The following GABRG1 variants were observed in gnomAD, a reference collection of about 807,000 sequenced individuals.
The protein encoded by GABRG1 is gamma-aminobutyric acid type A receptor subunit gamma1, also known as gamma-aminobutyric acid receptor subunit gamma-1.
In GABRG1, 49 loss-of-function variants were observed where a neutral mutation model predicts 49.8. The observed-to-expected ratio is 0.98, with a 90% CI of 0.78 to 1.25. GABRG1 has a LOEUF of 1.25. GABRG1 is among the 50% of genes most tolerant of loss of function. The probability of loss-of-function intolerance (pLI) is 0.00; values close to 1 mark genes in which losing one functional copy is unlikely to be tolerated. For missense variants in GABRG1, 552 were observed against 552.3 expected, an observed-to-expected ratio of 1.00 and a Z score of 0.01; for synonymous variants, 232 against 185.1, an observed-to-expected ratio of 1.25 and a Z score of -2.06.
chr4:46,091,942 T>G (rs1278898448), intron 2 of GABRG1, among the ~76,000 whole-genome samples: 1 of 152,040 alleles, frequency 6.6e-6, no homozygotes, highest in Non-Finnish European at 1.5e-5. Flanking sequence ...AAAATACATT[T>G]TATCTTCAAA....
intron 1 of GABRG1, among the ~76,000 whole-genome samples, chr4:46,107,492 C>T (rs545846425): frequency 5.3e-5 from 8 of 150,638 alleles, no homozygotes; most frequent in Admixed American, 2.7e-4. Context: ...GTTTCCTTTC[C>T]TTCTCTTCTT....
intron 1 of GABRG1, among the ~76,000 whole-genome samples, chr4:46,121,238 A>G (rs1374323397): frequency 6.6e-6 from 1 of 151,922 alleles, no homozygotes; most frequent in African/African-American, 2.4e-5. Flanking sequence ...CATATAAAAC[A>G]CTAAAATGCT....
intron 5 of GABRG1, among the ~76,000 whole-genome samples, chr4:46,060,997 G>C: frequency 6.6e-6 from 1 of 152,012 alleles, no homozygotes; most frequent in East Asian, 1.9e-4. Flanking sequence ...CATGTAGAGT[G>C]CCTGAAAAAA....
chr4:46,113,514 G>A (rs1381605105), intron 1 of GABRG1, among the ~76,000 whole-genome samples: 1 of 150,896 alleles, frequency 6.6e-6, no homozygotes, highest in East Asian at 2.0e-4. Context: ...TGGCGGGGGG[G>A]ACATGAAGCC....
rs1430138296 is a variant in GABRG1, at chr4:46,064,534, G to C, written c.543-11C>G. 1 of 1,301,960 alleles carries C rather than the reference G, an allele frequency of 7.7e-7. No individual in the cohort carries two copies. The allele number at this position is 1,301,960 out of a possible 1,614,324, so 80.7% of individuals were successfully genotyped here. On this transcript the variant is annotated splice_polypyrimidine_tract_variant and intron_variant, in intron 4 of 8. Transcript: ENST00000295452. Reference sequence around the variant, plus strand: ...GCATTAATTGTCAATCTATTTAGATGGAAAGAAAAGTATTAAATAAAGATA... The same window carrying C: ...GCATTAATTGTCAATCTATTTAGATCGAAAGAAAAGTATTAAATAAAGATA...
intron 2 of GABRG1, among the ~76,000 whole-genome samples, chr4:46,088,504 A>G (rs996488747): frequency 6.6e-6 from 1 of 151,910 alleles, no homozygotes; most frequent in Non-Finnish European, 1.5e-5. Context: ...CACCAATCAC[A>G]ATGTTGCTCA....
intron 1 of GABRG1, among the ~76,000 whole-genome samples, chr4:46,113,217 A>T (rs1406440781): frequency 6.6e-6 from 1 of 151,192 alleles, no homozygotes; most frequent in Non-Finnish European, 1.5e-5. Context: ...GTAATTTATA[A>T]AGAAAAGAGG....
chr4:46,046,132 G>T (rs68024488), intron 8 of GABRG1, among the ~76,000 whole-genome samples: 6,277 of 152,074 alleles, frequency 0.041, 208 homozygotes, highest in Admixed American at 0.077. Context: ...GTTTATTTAT[G>T]AATTGTTCTA....
chr4:46,071,820 A>G lies in GABRG1; in HGVS notation c.322-6236T>C, dbSNP rs374166759. On this transcript the variant is annotated intron_variant, in intron 3 of 8. Transcript: ENST00000295452. ...TAAAATGTTTTTAAGCTGTTATGAA[A>G]ATGTCAAACTTATAATAAATTTATA... 1.3e-5 allele frequency among the ~76,000 whole-genome samples: 2 copies of G among 152,214 alleles called. 1 individual carries two copies.
At chr4:46,115,239 T>C (rs953189311) in intron 1 of GABRG1, among the ~76,000 whole-genome samples, 8 of 150,590 alleles carry the variant, frequency 5.3e-5, no homozygotes, top group African/African-American at 1.9e-4. Context: ...CAATAAATAG[T>C]GAAAACAAAA....
intron 1 of GABRG1, among the ~76,000 whole-genome samples, chr4:46,100,137 T>C (rs1720331458): frequency 6.6e-6 from 1 of 151,798 alleles, no homozygotes; most frequent in Non-Finnish European, 1.5e-5. Context: ...TTGTGTACAG[T>C]ATAGAAATTT....
In GABRG1 at chr4:46,104,220, T is replaced by C. The variant is rs578086316; in HGVS notation, c.105-6871A>G. ...TATTTCAGTTACTTAGAGAAATGAC[T>C]CCTACTCAAAACATACATAGAGATT... is the stretch of plus-strand genomic sequence containing the variant. On this transcript the variant is annotated intron_variant, in intron 1 of 8. Transcript: ENST00000295452. Among the ~76,000 whole-genome samples, 5 of 151,588 alleles carry C rather than the reference T, an allele frequency of 3.3e-5. No homozygotes were observed. The East Asian group carries it at 7.8e-4, about 24-fold the overall frequency.
chr4:46,047,948 C>G (rs1365211234), intron 8 of GABRG1, among the ~76,000 whole-genome samples: 1 of 151,902 alleles, frequency 6.6e-6, no homozygotes, highest in Non-Finnish European at 1.5e-5. Context: ...AAATAAATTT[C>G]TATAATTTCA....
At chr4:46,085,542 G>T (rs1488282320) in intron 2 of GABRG1, among the ~76,000 whole-genome samples, 2 of 151,502 alleles carry the variant, frequency 1.3e-5, no homozygotes, top group African/African-American at 2.4e-5. Flanking sequence ...TCACCATTTT[G>T]TAAACTTGAG....
Position 46,051,450 on chromosome 4 carries a change from C to T in GABRG1, c.1105G>A (p.Asp369Asn). Residue 369 changes from aspartate to asparagine, a missense_variant, in exon 8 of 9, where the codon GAC (aspartate) becomes AAC (asparagine). Physicochemically the swap from Asp to Asn is conservative, Grantham distance 23 (BLOSUM62 1). Coordinates refer to ENST00000295452, the MANE Select transcript of GABRG1 (RefSeq NM_173536.4). ...GAGGCTTTATTTTTTAGCTTTCTGT[C>T]TTTAGTAGCAGTCTTTCCTTTTTGG... The part of the protein sequence containing the change: ...SNQKGKTATK[D>N]RKLKNKASMT... 1 of 1,609,040 alleles carries T rather than the reference C, an allele frequency of 6.2e-7. No homozygotes were observed. Among genetic ancestry groups the T allele is most frequent in the Non-Finnish European group, 8.5e-7 (1 of 1,177,592 alleles).
At chr4:46,121,576 A>G (rs1721090759) in intron 1 of GABRG1, among the ~76,000 whole-genome samples, 1 of 146,466 alleles carries the variant, frequency 6.8e-6, no homozygotes, top group African/African-American at 2.7e-5. Context: ...GTTTGCCTAC[A>G]AAAGTGTTTC....
rs961122304 is a variant in GABRG1 at position 46,039,311 on chromosome 4, G to A, written c.*1677C>T. On this transcript the variant is annotated 3_prime_UTR_variant, in exon 9 of 9. Coordinates refer to ENST00000295452, the MANE Select transcript of GABRG1 (RefSeq NM_173536.4). ...GATTCATGCTTATTTTTTTCCAGAA[G>A]TTTATGAGCAAGTGAAAAAAAAAAT... 1 of 150,330 alleles carries A rather than the reference G, an allele frequency of 6.7e-6. No homozygotes were observed. Among genetic ancestry groups the A allele is most frequent in the Admixed American group, 6.6e-5 (1 of 15,046 alleles). 9.3% of individuals were successfully genotyped at this position (150,330 alleles called of 1,614,324 possible).
chr4:46,117,416 A>G (rs536832927), intron 1 of GABRG1, among the ~76,000 whole-genome samples: 1 of 150,174 alleles, frequency 6.7e-6, no homozygotes, highest in East Asian at 2.0e-4. Flanking sequence ...CTTCAATAGG[A>G]TGTTTCTATT....
intron 8 of GABRG1, among the ~76,000 whole-genome samples, chr4:46,046,902 G>A (rs1275864169): frequency 2.0e-5 from 3 of 151,982 alleles, no homozygotes; most frequent in African/African-American, 4.8e-5. Flanking sequence ...ACTTGCCTGC[G>A]CTAACAAGAC....
Sources: allele counts gnomAD v4.1 joint callset (sites outside exome capture counted in the v4.1 genomes callset), GRCh38; gene constraint gnomAD v4.1.1; transcripts MANE v1.5; gene names NCBI Gene and HGNC (gene_info 2026-07-23, HGNC 2026-07-21).